The following SMARCA2 variants were observed in gnomAD, a reference collection of about 807,000 sequenced individuals.
SMARCA2 encodes the protein SWI/SNF related BAF chromatin remodeling complex subunit ATPase 2, also known as SWI/SNF-related matrix-associated actin-dependent regulator of chromatin subfamily A member 2.
A neutral mutation model predicts 199.8 loss-of-function variants in SMARCA2; 61 were observed. That is an observed-to-expected ratio of 0.31 (90% confidence interval 0.25 to 0.38). The LOEUF is 0.38. Among genes scored for constraint, SMARCA2 ranks in the 10% least tolerant of loss-of-function variants. The probability of loss-of-function intolerance (pLI) is 1.00; values close to 1 mark genes in which losing one functional copy is unlikely to be tolerated. For synonymous variants in SMARCA2, 935 were observed against 732.0 expected, an observed-to-expected ratio of 1.28 and a Z score of -4.48; for missense variants, 1,344 against 2,012.2, an observed-to-expected ratio of 0.67 and a Z score of 6.35.
chr9:2,039,213 A>G lies in SMARCA2; in HGVS notation c.356-253A>G, dbSNP rs12347430. Among the ~76,000 whole-genome samples, 10,745 of 151,482 alleles carry G rather than the reference A, an allele frequency of 0.071. 1,073 individuals are homozygous for G. The highest frequency in any genetic ancestry group is 0.22 in the African/African-American group (9,263 of 41,366). On this transcript the variant is annotated intron_variant, in intron 3 of 33. Coordinates refer to ENST00000349721, the MANE Select transcript of SMARCA2 (RefSeq NM_003070.5). The surrounding 1 kb of genome is among the most constrained non-coding windows in gnomAD (Gnocchi z 4.8). ...GGGTATGTTGGTTTAAGTAAAATAC[A>G]TTTAAATTAACTTTACCTGCTTTTT...
rs546627487 is a variant in SMARCA2, at chr9:2,040,146, A to G, written c.790+246A>G. On this transcript the variant is annotated intron_variant, in intron 4 of 33. Transcript: ENST00000349721. ...CAAGCTGGAGACCCAGGGAAAAAGC[A>G]CCTGTGATTTTGCGTTCTCTTTGAA... 3.3e-4 allele frequency: 256 copies of G among 784,248 alleles called. 1 individual carries two copies. In the East Asian group the frequency reaches 5.5e-3, roughly 17 times the overall value. 48.6% of individuals were successfully genotyped at this position (784,248 alleles called of 1,614,324 possible). A position where few individuals can be genotyped will look rare whatever the true frequency, so the allele number is the denominator to read the frequency against.
At chr9:2,120,247 A>G (rs1231217733) in intron 26 of SMARCA2, among the ~76,000 whole-genome samples, 1 of 152,200 alleles carries the variant, frequency 6.6e-6, no homozygotes, top group Non-Finnish European at 1.5e-5. Context: ...TGGTGGTTGA[A>G]TGCTGCAGAA....
At chr9:2,092,687 AT>A (rs1405594277) in intron 19 of SMARCA2, among the ~76,000 whole-genome samples, 1 of 152,240 alleles carries the variant, frequency 6.6e-6, no homozygotes, top group Non-Finnish European at 1.5e-5. Context: ...ATTTACTAAC[AT>A]AAGAATGCTT....
intron 23 of SMARCA2, among the ~76,000 whole-genome samples, chr9:2,109,856 C>A (rs1293794971): frequency 6.6e-6 from 1 of 152,010 alleles, no homozygotes; most frequent in Non-Finnish European, 1.5e-5. Context: ...TTTATTTAAG[C>A]CATTATTACA....
chr9:2,143,231 C>T (rs1273498739), intron 27 of SMARCA2, among the ~76,000 whole-genome samples: 1 of 152,134 alleles, frequency 6.6e-6, no homozygotes, highest in East Asian at 1.9e-4. Context: ...TATACGAAGG[C>T]TTGGAAATAC....
chr9:2,167,114 T>G (rs1297474054), intron 28 of SMARCA2, among the ~76,000 whole-genome samples: 1 of 152,256 alleles, frequency 6.6e-6, no homozygotes, highest in East Asian at 1.9e-4. Context: ...TCTAGTGTTC[T>G]GATTCCATTT....
chr9:2,129,237 T>A (rs923376530), intron 27 of SMARCA2, among the ~76,000 whole-genome samples: 11 of 151,872 alleles, frequency 7.2e-5, no homozygotes, highest in African/African-American at 2.4e-4. Flanking sequence ...GCTAACACGG[T>A]GAAACCCCAT....
At chr9:2,089,913 C>T (rs11999383) in intron 19 of SMARCA2, among the ~76,000 whole-genome samples, 2 of 151,618 alleles carry the variant, frequency 1.3e-5, no homozygotes. Context: ...TTTTTCTTTA[C>T]AAGAGGTATA....
In SMARCA2 at chr9:2,096,653, G is replaced by T; in HGVS notation, c.2884-4G>T. 6.2e-7 allele frequency: 1 copy of T among 1,604,234 alleles called. No individual in the cohort carries two copies. Among genetic ancestry groups the T allele is most frequent in the Non-Finnish European group, 8.5e-7 (1 of 1,171,042 alleles). On this transcript the variant is annotated splice_polypyrimidine_tract_variant and splice_region_variant and intron_variant, in intron 19 of 33. Coordinates refer to ENST00000349721, the MANE Select transcript of SMARCA2 (RefSeq NM_003070.5). ...TTGCCTACTTACTGTTCTCTTTTCT[G>T]CAGGTGGAATATGTGATCAAGTGTG...
At chr9:2,152,997 G>A (rs1448868340) in intron 27 of SMARCA2, among the ~76,000 whole-genome samples, 1 of 152,086 alleles carries the variant, frequency 6.6e-6, no homozygotes, top group Non-Finnish European at 1.5e-5. Context: ...CATAAATGAG[G>A]GATGTGGCTA....
chr9:2,092,005 C>G lies in SMARCA2; in HGVS notation c.2883+3392C>G, dbSNP rs377737081. On this transcript the variant is annotated intron_variant, in intron 19 of 33. Coordinates refer to ENST00000349721, the MANE Select transcript of SMARCA2 (RefSeq NM_003070.5). ...ATGAGCAAGGGAATATACCCACCCC[C>G]CAACCACCAACACCGCTAAGCTGTT... Among the ~76,000 whole-genome samples the G allele has an allele frequency of 3.9e-5, 6 of 152,266 alleles. No homozygotes were observed. The East Asian group carries it at 9.6e-4, about 24-fold the overall frequency.
chr9:2,184,191 C>G (rs10757249), intron 31 of SMARCA2, among the ~76,000 whole-genome samples: 40,740 of 151,826 alleles, frequency 0.27, 6,334 homozygotes, highest in African/African-American at 0.43. Context: ...AGCCCATAGT[C>G]CATTCGGACT....
intron 31 of SMARCA2, among the ~76,000 whole-genome samples, chr9:2,182,594 A>G (rs1827125149): frequency 6.8e-6 from 1 of 147,406 alleles, no homozygotes; most frequent in South Asian, 2.1e-4. Flanking sequence ...CCCAGGTTCA[A>G]GCCATTCTTC....
chr9:2,090,344 C>T lies in SMARCA2; in HGVS notation c.2883+1731C>T, dbSNP rs537691945. Among the ~76,000 whole-genome samples, 4 of 152,246 alleles carry T rather than the reference C, an allele frequency of 2.6e-5. No homozygotes were observed. In the South Asian group the frequency reaches 6.2e-4, roughly 24 times the overall value. On this transcript the variant is annotated intron_variant, in intron 19 of 33. Coordinates refer to ENST00000349721, the MANE Select transcript of SMARCA2 (RefSeq NM_003070.5). ...AATACTCAGTGTGTGGTATTATCTA[C>T]CTTTAGAGGTATCTGTACCTTTAAA...
Position 2,170,129 on chromosome 9 carries a change from G to C in SMARCA2, c.4200-290G>C, listed in dbSNP as rs575879362. Among the ~76,000 whole-genome samples, 1 of 152,276 alleles carries C rather than the reference G, an allele frequency of 6.6e-6. No homozygotes were observed. Among genetic ancestry groups the C allele is most frequent in the Non-Finnish European group, 1.5e-5 (1 of 68,020 alleles). On this transcript the variant is annotated intron_variant, in intron 28 of 33. Transcript: ENST00000349721. The surrounding 1 kb of genome is among the most constrained non-coding windows in gnomAD (Gnocchi z 4.7). ...AGTGGCTGCCTGTCTCCCACCTTCT[G>C]GAACAGTGAATGGAACATGTAAGAG...
intron 27 of SMARCA2, among the ~76,000 whole-genome samples, chr9:2,136,683 C>T (rs1304100112): frequency 6.6e-6 from 1 of 152,028 alleles, no homozygotes. Flanking sequence ...CAATTAGGAG[C>T]CAGGTTTGAG....
In SMARCA2 at chr9:2,104,126, G is replaced by A. The variant is rs2130556309; in HGVS notation, c.3249G>A (p.Glu1083=). Residue 1083 remains glutamate (E), a synonymous_variant, in exon 23 of 34, where the codon GAG becomes GAA. Transcript: ENST00000349721. This position sits in a 1 kb window ranked among gnomAD's most constrained non-coding sequence, Gnocchi z 4.0. ...CQMTSLMTIM[E]DYFAFRNFLY... ...TGACATCTCTCATGACCATCATGGAGGATTATTTTGCTTTTCGGAACTTCC... is the reference window on the plus strand; with the variant it reads ...TGACATCTCTCATGACCATCATGGAAGATTATTTTGCTTTTCGGAACTTCC... The A allele has an allele frequency of 6.2e-7, 1 of 1,614,002 alleles. No individual in the cohort carries two copies. Among genetic ancestry groups the A allele is most frequent in the African/African-American group, 1.3e-5 (1 of 75,004 alleles).
At chr9:2,078,860 G>A (rs1283138562) in intron 14 of SMARCA2, among the ~76,000 whole-genome samples, 2 of 151,944 alleles carry the variant, frequency 1.3e-5, no homozygotes, top group African/African-American at 4.8e-5. Flanking sequence ...CGGGAGAATG[G>A]CGTGAACCCA....
rs1037833300 is a variant in SMARCA2, at chr9:2,017,070, C to G, written c.-37+1666C>G. On this transcript the variant is annotated intron_variant, in intron 1 of 33. Coordinates refer to ENST00000349721, the MANE Select transcript of SMARCA2 (RefSeq NM_003070.5). This position sits in a 1 kb window ranked among gnomAD's most constrained non-coding sequence, Gnocchi z 8.8. ...CTCCGGCGGACACCCGCGCCTTGGC[C>G]GGGGCACTTGGGCCGGTTTCCGGTA... The G allele has an allele frequency of 1.3e-5, 2 of 152,192 alleles. No homozygotes were observed. The highest frequency in any genetic ancestry group is 2.9e-5 in the Non-Finnish European group (2 of 68,070). The allele number at this position is 152,192 out of a possible 1,614,324, so 9.4% of individuals were successfully genotyped here.
Sources: gnomAD v4.1 joint callset for allele counts (sites outside exome capture counted in the v4.1 genomes callset) on GRCh38, gnomAD v4.1.1 for gene constraint, Gnocchi (gnomAD v3.1) non-coding constraint, MANE v1.5 for transcripts, NCBI Gene and HGNC (gene_info 2026-07-23, HGNC 2026-07-21) for gene names.